MYO7B: variants seen among roughly 807,000 people sequenced by gnomAD.
MYO7B encodes the protein myosin VIIB.
Under a neutral mutation model 259.7 loss-of-function variants are expected in MYO7B, and 212 were observed. The ratio of observed to expected loss-of-function variants is 0.82; its 90% CI spans 0.73 to 0.91. The LOEUF is 0.91. MYO7B is among the 40% of genes least tolerant of loss of function. The pLI is 0.00. For synonymous variants in MYO7B, 1,197 were observed against 1,166.4 expected (o/e 1.03, Z -0.54); for missense variants, 2,732 against 2,813.5 (o/e 0.97, Z 0.66).
intron 15 of MYO7B, among the ~76,000 whole-genome samples, chr2:127,589,027 G>GTGGA (rs1396052112): frequency 1.4e-5 from 2 of 143,772 alleles, no homozygotes; most frequent in Non-Finnish European, 3.1e-5. Context: ...TGGTGGGTGG[G>GTGGA]TGGATGGATG....
In MYO7B at chr2:127,578,151, G is replaced by A. The variant is rs1355579455; in HGVS notation, c.868G>A (p.Glu290Lys). Reference protein sequence around the residue: ...YLTMGNCTSCEGLNDAKDYAH... With the variant: ...YLTMGNCTSCKGLNDAKDYAH... The stretch of plus-strand genomic sequence containing the variant: ...CCCTCAGGGGAACTGCACTTCCTGT[G>A]AGGGGCTCAACGACGCCAAGGACTA... The change falls in exon 9 of 48, where the codon GAG becomes AAG. Residue 290 changes from glutamate to lysine, a missense_variant. By Grantham distance (56) the Glu-to-Lys change is moderately conservative (BLOSUM62 1). Around this residue, in one of 3 missense-constraint regions of MYO7B, gnomAD observed 1,906 missense variants for 2,026.4 expected, o/e 0.94. Transcript: ENST00000409816. 1 of 1,613,748 alleles carries A rather than the reference G, an allele frequency of 6.2e-7. No individual in the cohort carries two copies. The highest frequency in any genetic ancestry group is 1.3e-5 in the African/African-American group (1 of 74,924).
intron 1 of MYO7B, among the ~76,000 whole-genome samples, chr2:127,558,696 G>A (rs980818014): frequency 6.6e-6 from 1 of 152,094 alleles, no homozygotes; most frequent in Non-Finnish European, 1.5e-5. Flanking sequence ...ATGTATGATG[G>A]AATACTACTC....
chr2:127,578,196 A>G lies in MYO7B; in HGVS notation c.913A>G (p.Met305Val), dbSNP rs755373280. 1.9e-6 allele frequency: 3 copies of G among 1,613,854 alleles called. No individual in the cohort carries two copies. Among genetic ancestry groups the G allele is most frequent in the Non-Finnish European group, 1.7e-6 (2 of 1,179,868 alleles). ...GGACTACGCCCACATCCGCTCGGCCATGAAGATCCTCCAGTTCTCCGACTC... is the reference window on the plus strand; with the variant it reads ...GGACTACGCCCACATCCGCTCGGCCGTGAAGATCCTCCAGTTCTCCGACTC... ...AKDYAHIRSA[M>V]KILQFSDSES... The change falls in exon 9 of 48, where the codon ATG becomes GTG. Residue 305 changes from methionine (M) to valine (V), a missense_variant. This residue lies in a region of MYO7B where 1,906 missense variants were observed against 2,026.4 expected (regional missense o/e 0.94). Coordinates refer to ENST00000409816, the MANE Select transcript of MYO7B (RefSeq NM_001393586.1).
chr2:127,632,919 G>C (rs1193638145), intron 39 of MYO7B, among the ~76,000 whole-genome samples: 2 of 152,208 alleles, frequency 1.3e-5, no homozygotes, highest in African/African-American at 4.8e-5. Flanking sequence ...GCGCCCCATA[G>C]AGGCCCTGCC....
chr2:127,618,953 A>T (rs1401268693), intron 26 of MYO7B, among the ~76,000 whole-genome samples: 1 of 151,888 alleles, frequency 6.6e-6, no homozygotes, highest in Non-Finnish European at 1.5e-5. Context: ...CATGCAGGAG[A>T]CAGATGGTAG....
Position 127,569,867 on chromosome 2 carries a change from G to C in MYO7B, c.549G>C (p.Ser183=), listed in dbSNP as rs373743005. The change falls in exon 6 of 48, where the codon TCG becomes TCC. Residue 183 remains serine, a synonymous_variant. Coordinates refer to ENST00000409816, the MANE Select transcript of MYO7B (RefSeq NM_001393586.1). The stretch of plus-strand genomic sequence containing the variant: ...TGGCCACCATCAGTGGCCAGCATTC[G>C]TGGATTGAGCAGCAGGTCCTGGAAG... ...QFLATISGQH[S]WIEQQVLEAN... The C allele has an allele frequency of 1.2e-5, 19 of 1,613,336 alleles. No homozygotes were observed. The highest frequency in any genetic ancestry group is 4.0e-5 in the African/African-American group (3 of 74,898).
chr2:127,626,097 T>C (rs1681094485), intron 31 of MYO7B: 1 of 150,958 alleles, frequency 6.6e-6, no homozygotes, highest in African/African-American at 2.4e-5. Flanking sequence ...GAAAAGAGAG[T>C]TCGGTTGGAT....
At chr2:127,547,654 G>A (rs763463434) in intron 1 of MYO7B, among the ~76,000 whole-genome samples, 8 of 152,148 alleles carry the variant, frequency 5.3e-5, no homozygotes, top group Non-Finnish European at 7.4e-5. Context: ...TCACTTGATT[G>A]GTGTGATGGA....
At position 127,584,381 on chromosome 2, in the gene MYO7B, C is replaced by G. The variant is rs777569104; in HGVS notation, c.1554+49C>G. ...TTCTGGTGGAGGCCCTGCTATGGGTCTCCTCTTGGAGGCTGGGAAACTCCA... is the reference window on the plus strand; with the variant it reads ...TTCTGGTGGAGGCCCTGCTATGGGTGTCCTCTTGGAGGCTGGGAAACTCCA... On this transcript the variant is annotated intron_variant, in intron 13 of 47. Coordinates refer to ENST00000409816, the MANE Select transcript of MYO7B (RefSeq NM_001393586.1). The surrounding 1 kb of genome is among the most constrained non-coding windows in gnomAD (Gnocchi z 5.8). 1.3e-6 allele frequency: 2 copies of G among 1,586,180 alleles called. No individual in the cohort carries two copies. Among genetic ancestry groups the G allele is most frequent in the South Asian group, 2.2e-5 (2 of 89,822 alleles).
In MYO7B at chr2:127,629,769, G is replaced by A; in HGVS notation, c.4749G>A (p.Val1583=). Residue 1583 remains valine (V), a synonymous_variant, in exon 35 of 48, where the codon GTG becomes GTA. Coordinates refer to ENST00000409816, the MANE Select transcript of MYO7B (RefSeq NM_001393586.1). ...QNDRTGKTGL[V]PMACLYTIPT... ...ACAGGACAGGCAAGACGGGGCTGGT[G>A]CCCATGGCCTGCCTCTACACCATCC... is the stretch of plus-strand genomic sequence containing the variant. 1.2e-6 allele frequency: 2 copies of A among 1,609,352 alleles called. No homozygotes were observed. The highest frequency in any genetic ancestry group is 8.5e-7 in the Non-Finnish European group (1 of 1,177,930).
In MYO7B at chr2:127,631,227, G is replaced by GA; in HGVS notation, c.4960dup (p.Ser1654LysfsTer181). On this transcript the variant is annotated frameshift_variant, in exon 37 of 48. Transcript: ENST00000409816. LOFTEE classifies it high-confidence loss of function. The stretch of plus-strand genomic sequence containing the variant: ...ACAGGGCTCCAGAGAAGGACATGGT[G>GA]AGCATGGCCGTGCTGCCCCTGGCCC... The GA allele has an allele frequency of 1.2e-6, 2 of 1,606,932 alleles. No homozygotes were observed. Among genetic ancestry groups the GA allele is most frequent in the Non-Finnish European group, 1.7e-6 (2 of 1,175,570 alleles).
Position 127,559,590 on chromosome 2 carries a change from C to T in MYO7B, c.-23-110C>T. On this transcript the variant is annotated intron_variant, in intron 1 of 47. Transcript: ENST00000409816. The surrounding 1 kb of genome is among the most constrained non-coding windows in gnomAD (Gnocchi z 4.1). ...TCAGCATTGTTTTTGAGCCAGGTCC[C>T]ATGCCGGGCACTTAGGGAAGTGTTG... is the stretch of plus-strand genomic sequence containing the variant. 1 of 958,938 alleles carries T rather than the reference C, an allele frequency of 1.0e-6. No homozygotes were observed. Among genetic ancestry groups the T allele is most frequent in the South Asian group, 1.3e-5 (1 of 75,984 alleles). 59.4% of individuals were successfully genotyped at this position (958,938 alleles called of 1,614,324 possible). A position where few individuals can be genotyped will look rare whatever the true frequency, so the allele number is the denominator to read the frequency against.
Position 127,613,827 on chromosome 2 carries a change from G to A in MYO7B, c.3398+1224G>A, listed in dbSNP as rs1680475122. 6.6e-6 allele frequency among the ~76,000 whole-genome samples: 1 copy of A among 152,198 alleles called. No homozygotes were observed. The highest frequency in any genetic ancestry group is 6.5e-5 in the Admixed American group (1 of 15,278). On this transcript the variant is annotated intron_variant, in intron 26 of 47. Transcript: ENST00000409816. The surrounding 1 kb of genome is among the most constrained non-coding windows in gnomAD (Gnocchi z 4.3). ...ATCCCTTTTTAGTTATTTTAGCCTT[G>A]GCTAGAGTACCTGGAGTCTGCCCCA... is the stretch of plus-strand genomic sequence containing the variant.
At position 127,627,064 on chromosome 2, in the gene MYO7B, C is replaced by A; in HGVS notation, c.4305C>A (p.Ser1435=). ...AARLQWPLLF[S]RLFEVITLSG... Reference sequence around the variant, plus strand: ...GCCTGCAGTGGCCGCTGCTCTTCTCCCGGCTCTTCGAAGTCATCACACTCT... The same window carrying A: ...GCCTGCAGTGGCCGCTGCTCTTCTCACGGCTCTTCGAAGTCATCACACTCT... Residue 1435 remains serine (S), a synonymous_variant, in exon 32 of 48, where the codon TCC becomes TCA. Coordinates refer to ENST00000409816, the MANE Select transcript of MYO7B (RefSeq NM_001393586.1). This position sits in a 1 kb window ranked among gnomAD's most constrained non-coding sequence, Gnocchi z 5.6. 1 of 1,611,658 alleles carries A rather than the reference C, an allele frequency of 6.2e-7. No individual in the cohort carries two copies. Among genetic ancestry groups the A allele is most frequent in the Non-Finnish European group, 8.5e-7 (1 of 1,179,360 alleles).
intron 3 of MYO7B, among the ~76,000 whole-genome samples, chr2:127,564,607 A>G (rs968762172): frequency 6.6e-6 from 1 of 152,184 alleles, no homozygotes; most frequent in African/African-American, 2.4e-5. Context: ...AGAGGCCAGC[A>G]AGCTGGAGTG....
At chr2:127,620,293 C>A (rs1049147964) in intron 26 of MYO7B, 47 bp from the exon 27 acceptor site, 2 of 1,567,214 alleles carry the variant, frequency 1.3e-6, no homozygotes, top group Admixed American at 1.7e-5. Flanking sequence ...TGTCTCCTCT[C>A]CTCCTCCAGC....
In MYO7B at chr2:127,540,167, T is replaced by G. The variant is rs1692947956; in HGVS notation, c.-24+4336T>G. On this transcript the variant is annotated intron_variant, in intron 1 of 47. Transcript: ENST00000409816. ...CACGTGCAATTGTCTTTTTCTGGTT[T>G]TATTTTTTTTTTTTGAGATGGAGTC... 2.7e-5 allele frequency among the ~76,000 whole-genome samples: 3 copies of G among 110,724 alleles called. No homozygotes were observed. In the South Asian group the frequency reaches 7.6e-4, roughly 28 times the overall value. 72.6% of individuals were successfully genotyped at this position (110,724 alleles called of 152,430 possible). A position where few individuals can be genotyped will look rare whatever the true frequency, so the allele number is the denominator to read the frequency against.
intron 1 of MYO7B, among the ~76,000 whole-genome samples, chr2:127,547,781 T>C (rs1240041559): frequency 6.6e-6 from 1 of 152,168 alleles, no homozygotes; most frequent in African/African-American, 2.4e-5. Flanking sequence ...TCAAGTTTTT[T>C]CTTCCTTTTA....
intron 10 of MYO7B, 141 bp from the exon 11 acceptor site, chr2:127,581,750 C>T (rs576130542): frequency 1.7e-6 from 2 of 1,149,666 alleles, no homozygotes; most frequent in Non-Finnish European, 2.4e-6. Flanking sequence ...AGGGCCCTGG[C>T]CCTGGCCTCG....
Sources: gnomAD v4.1 joint callset for allele counts (sites outside exome capture counted in the v4.1 genomes callset) on GRCh38, gnomAD v4.1.1 for gene constraint, gnomAD v4.1.1 regional missense constraint, Gnocchi (gnomAD v3.1) non-coding constraint, MANE v1.5 for transcripts, NCBI Gene and HGNC (gene_info 2026-07-23, HGNC 2026-07-21) for gene names.